NLGN1: variants seen among roughly 807,000 people sequenced by gnomAD.
The protein encoded by NLGN1 is neuroligin 1.
Under a neutral mutation model 65.5 loss-of-function variants are expected in NLGN1, and 12 were observed. The ratio of observed to expected loss-of-function variants is 0.18; its 90% confidence interval spans 0.12 to 0.30. The LOEUF (loss-of-function observed/expected upper bound fraction) is 0.30. NLGN1 is among the 10% of genes least tolerant of loss of function. The pLI is 1.00. For missense variants in NLGN1, 750 were observed against 1,007.1 expected (o/e 0.74, Z 3.46); for synonymous variants, 350 against 359.5 (o/e 0.97, Z 0.30).
At chr3:173,814,821 C>A (rs1298097963) in intron 4 of NLGN1, among the ~76,000 whole-genome samples, 1 of 152,056 alleles carries the variant, frequency 6.6e-6, no homozygotes, top group Non-Finnish European at 1.5e-5. Flanking sequence ...TTAAACAAAT[C>A]ATATAGTTTA....
rs143674730 is a variant in NLGN1, at chr3:173,677,827, A to T, written c.493+72736A>T. Among the ~76,000 whole-genome samples, 29 of 152,284 alleles carry T rather than the reference A, an allele frequency of 1.9e-4. No individual in the cohort carries two copies. In the East Asian group the frequency reaches 5.6e-3, roughly 29 times the overall value. ...ATTAATGTCTACATTAGGTAGGTACAGCAATCAAATCTTGGAAACATTAAA... is the reference window on the plus strand; with the variant it reads ...ATTAATGTCTACATTAGGTAGGTACTGCAATCAAATCTTGGAAACATTAAA... On this transcript the variant is annotated intron_variant, in intron 3 of 6. Coordinates refer to ENST00000457714, the Ensembl canonical transcript of NLGN1.
At chr3:174,180,321 A>G (rs1435779465) in intron 4 of NLGN1, among the ~76,000 whole-genome samples, 1 of 152,164 alleles carries the variant, frequency 6.6e-6, no homozygotes, top group East Asian at 1.9e-4. Context: ...TCTTTCCTGT[A>G]GGCTACAATG....
intron 3 of NLGN1, among the ~76,000 whole-genome samples, chr3:173,623,306 G>A (rs1265078444): frequency 6.6e-6 from 1 of 151,806 alleles, no homozygotes; most frequent in Non-Finnish European, 1.5e-5. Context: ...AAGAAGTTAG[G>A]ACAGGTGCAT....
At chr3:173,493,758 A>G (rs1729554966) in intron 2 of NLGN1, among the ~76,000 whole-genome samples, 1 of 151,868 alleles carries the variant, frequency 6.6e-6, no homozygotes, top group African/African-American at 2.4e-5. Context: ...AAGAATTTAG[A>G]TAGTCAACAA....
At chr3:174,116,734 A>C (rs1276063735) in intron 4 of NLGN1, among the ~76,000 whole-genome samples, 1 of 152,186 alleles carries the variant, frequency 6.6e-6, no homozygotes, top group Non-Finnish European at 1.5e-5. Context: ...CATGAATTTC[A>C]ATATTAACTC....
chr3:173,994,516 A>C (rs1721874479), intron 4 of NLGN1, among the ~76,000 whole-genome samples: 1 of 146,364 alleles, frequency 6.8e-6, no homozygotes, highest in African/African-American at 2.5e-5. Flanking sequence ...CCTAATTAGT[A>C]ATGCATTAGC....
At chr3:174,049,425 G>C (rs1248968528) in intron 4 of NLGN1, among the ~76,000 whole-genome samples, 5 of 152,010 alleles carry the variant, frequency 3.3e-5, no homozygotes, top group African/African-American at 1.2e-4. Flanking sequence ...GTTGAGCAGG[G>C]ATAAGCTGGG....
At chr3:174,175,001 G>T (rs1729184912) in intron 4 of NLGN1, among the ~76,000 whole-genome samples, 1 of 151,804 alleles carries the variant, frequency 6.6e-6, no homozygotes, top group Non-Finnish European at 1.5e-5. Context: ...TTTCATTGTG[G>T]TCAGAGAGAT....
chr3:173,499,083 C>T lies in NLGN1; in HGVS notation c.-321+64005C>T, dbSNP rs1032608602. Among the ~76,000 whole-genome samples the T allele has an allele frequency of 2.0e-3, 299 of 151,080 alleles. 4 individuals carry two copies. Among genetic ancestry groups the T allele is most frequent in the South Asian group, 4.0e-3 (19 of 4,786 alleles). On this transcript the variant is annotated intron_variant, in intron 2 of 6. Transcript: ENST00000457714. ...ATTAGATCCCATTTGTCAATTTTGT[C>T]TTTTGTTGCCATTGCTTTTGGTGTT...
At chr3:174,125,759 A>G (rs1718812318) in intron 4 of NLGN1, among the ~76,000 whole-genome samples, 1 of 152,140 alleles carries the variant, frequency 6.6e-6, no homozygotes, top group Admixed American at 6.6e-5. Context: ...ACTGAGTCCC[A>G]AAAGAAACCA....
At chr3:173,527,488 C>T (rs1306004744) in intron 2 of NLGN1, among the ~76,000 whole-genome samples, 1 of 152,174 alleles carries the variant, frequency 6.6e-6, no homozygotes, top group Non-Finnish European at 1.5e-5. Context: ...AGCTCCACCT[C>T]CCGGGTTCAC....
intron 4 of NLGN1, among the ~76,000 whole-genome samples, chr3:173,939,794 G>T (rs1745684415): frequency 6.6e-6 from 1 of 151,984 alleles, no homozygotes; most frequent in Non-Finnish European, 1.5e-5. Flanking sequence ...ATATTACTGG[G>T]TTTTGTTTTT....
intron 4 of NLGN1, among the ~76,000 whole-genome samples, chr3:173,848,884 T>C (rs1237044268): frequency 6.6e-6 from 1 of 152,208 alleles, no homozygotes; most frequent in East Asian, 1.9e-4. Flanking sequence ...AAATAAACTA[T>C]AATTACCTGC....
At chr3:173,818,725 T>C (rs1682706137) in intron 4 of NLGN1, among the ~76,000 whole-genome samples, 1 of 152,084 alleles carries the variant, frequency 6.6e-6, no homozygotes, top group Admixed American at 6.6e-5. Context: ...TTCACCTGCC[T>C]ATAACTCTGA....
chr3:173,629,093 C>CT (rs946510201), intron 3 of NLGN1, among the ~76,000 whole-genome samples: 3,233 of 145,054 alleles, frequency 0.022, 114 homozygotes, highest in African/African-American at 0.073. Flanking sequence ...TCATCCTTTC[C>CT]TTTTTTTTTT....
intron 3 of NLGN1, among the ~76,000 whole-genome samples, chr3:173,759,455 G>T (rs1274332730): frequency 6.6e-6 from 1 of 151,836 alleles, no homozygotes; most frequent in African/African-American, 2.4e-5. Flanking sequence ...AATCTCTATG[G>T]GAGTGGAGTC....
chr3:173,540,049 G>T (rs1326444256), intron 2 of NLGN1, among the ~76,000 whole-genome samples: 1 of 151,698 alleles, frequency 6.6e-6, no homozygotes, highest in Non-Finnish European at 1.5e-5. Flanking sequence ...TTGGTAATTT[G>T]GTGGCTTCTG....
At chr3:173,743,202 A>C (rs1223413224) in intron 3 of NLGN1, among the ~76,000 whole-genome samples, 1 of 152,160 alleles carries the variant, frequency 6.6e-6, no homozygotes, top group Non-Finnish European at 1.5e-5. Flanking sequence ...GTTAAGTTCT[A>C]CGTTCTAAAT....
intron 4 of NLGN1, among the ~76,000 whole-genome samples, chr3:174,171,631 A>C (rs931677782): frequency 2.0e-5 from 3 of 152,180 alleles, no homozygotes; most frequent in African/African-American, 7.2e-5. Flanking sequence ...GGTAAAATGA[A>C]TTCATAAGCA....
Sources: gnomAD v4.1 joint callset for allele counts (sites outside exome capture counted in the v4.1 genomes callset) on GRCh38, gnomAD v4.1.1 for gene constraint, MANE v1.5 for transcripts, NCBI Gene and HGNC (gene_info 2026-07-23, HGNC 2026-07-21) for gene names.